STPG2: variants seen among roughly 807,000 people sequenced by gnomAD.
The protein encoded by STPG2 is sperm-tail PG-rich repeat-containing protein 2.
A neutral mutation model predicts 54.2 loss-of-function variants in STPG2; 56 were observed. The ratio of observed to expected loss-of-function variants is 1.03; its 90% CI spans 0.83 to 1.29. The LOEUF is 1.29. STPG2 is among the 50% of genes most tolerant of loss of function. The pLI is 0.00. For missense variants in STPG2, 596 were observed against 544.9 expected (o/e 1.09, Z -0.93); for synonymous variants, 200 against 181.8 (o/e 1.10, Z -0.81).
chr4:98,009,647 GAATGAT>G (rs111508954), intron 5 of STPG2, among the ~76,000 whole-genome samples: 59,361 of 151,238 alleles, frequency 0.39, 11,795 homozygotes, highest in Middle Eastern at 0.45. Flanking sequence ...ATTTCTGACT[GAATGAT>G]AATGATATAT....
rs1441197601 is a variant in STPG2, at chr4:97,559,044, G to T, written c.*14C>A. On this transcript the variant is annotated 3_prime_UTR_variant, in exon 11 of 11. Transcript: ENST00000295268. ...CCATGAAGTTGTTTTTTAAGTTTTT[G>T]CCATAAATTTATGTCACATTATATC... is the stretch of plus-strand genomic sequence containing the variant. 1.3e-6 allele frequency: 2 copies of T among 1,582,776 alleles called. No homozygotes were observed. Among genetic ancestry groups the T allele is most frequent in the Non-Finnish European group, 1.7e-6 (2 of 1,166,384 alleles).
At chr4:97,516,772 G>A (rs368682120) in intron 4 of STPG2, among the ~76,000 whole-genome samples, 1 of 151,852 alleles carries the variant, frequency 6.6e-6, no homozygotes, top group African/African-American at 2.4e-5. Flanking sequence ...AGGCTGCAGT[G>A]AGCCAAGATT....
intron 5 of STPG2, among the ~76,000 whole-genome samples, chr4:98,041,581 T>C (rs1423491058): frequency 6.6e-6 from 1 of 152,010 alleles, no homozygotes; most frequent in African/African-American, 2.4e-5. Flanking sequence ...CTGCATCTAT[T>C]GAGATGATCA....
intron 8 of STPG2, among the ~76,000 whole-genome samples, chr4:97,941,472 T>C (rs1255311539): frequency 6.6e-6 from 1 of 152,104 alleles, no homozygotes; most frequent in African/African-American, 2.4e-5. Context: ...CCTCCATTTG[T>C]CACATTTTCT....
intron 6 of STPG2, among the ~76,000 whole-genome samples, chr4:97,977,714 G>A (rs982185963): frequency 1.3e-5 from 2 of 152,134 alleles, no homozygotes; most frequent in Non-Finnish European, 2.9e-5. Flanking sequence ...AAGACTGAAG[G>A]GGAGAAGAGT....
At chr4:97,514,617 T>C (rs1731037969) in intron 4 of STPG2, among the ~76,000 whole-genome samples, 1 of 152,142 alleles carries the variant, frequency 6.6e-6, no homozygotes, top group Non-Finnish European at 1.5e-5. Context: ...TTTACATATA[T>C]CCTTATATTT....
chr4:98,074,161 T>C (rs556754734), intron 5 of STPG2, among the ~76,000 whole-genome samples: 8 of 152,232 alleles, frequency 5.3e-5, no homozygotes, highest in Non-Finnish European at 1.0e-4. Context: ...ATGTAATTCA[T>C]GATAAAGAAA....
In STPG2 at chr4:97,708,537, A is replaced by G. The variant is rs144428738; in HGVS notation, c.1320+4162T>C. ...CCAGTGATTCTAAGAATTTTTCCTT[A>G]AGAAATAATCAAAGGTAGGAACAAA... On this transcript the variant is annotated intron_variant, in intron 10 of 10. Transcript: ENST00000295268. 2.8e-3 allele frequency among the ~76,000 whole-genome samples: 425 copies of G among 151,998 alleles called. 3 individuals are homozygous for G. Among genetic ancestry groups the G allele is most frequent in the African/African-American group, 9.4e-3 (389 of 41,538 alleles).
chr4:97,481,027 T>G (rs1238297306), intron 4 of STPG2, among the ~76,000 whole-genome samples: 1 of 151,582 alleles, frequency 6.6e-6, no homozygotes, highest in Non-Finnish European at 1.5e-5. Context: ...TTTAGAGTTT[T>G]AGTACTTACA....
intron 4 of STPG2, among the ~76,000 whole-genome samples, chr4:97,536,356 T>A (rs1203057334): frequency 2.0e-5 from 3 of 152,096 alleles, no homozygotes; most frequent in African/African-American, 7.2e-5. Context: ...CCCTATGCTG[T>A]TCTCATTATA....
intron 8 of STPG2, among the ~76,000 whole-genome samples, chr4:97,931,385 T>C (rs1210401827): frequency 6.6e-6 from 1 of 152,236 alleles, no homozygotes; most frequent in East Asian, 1.9e-4. Context: ...TGAGAGTTTT[T>C]AACATGCAGG....
At chr4:97,848,881 C>T (rs530125707) in intron 8 of STPG2, among the ~76,000 whole-genome samples, 2 of 150,330 alleles carry the variant, frequency 1.3e-5, no homozygotes, top group Non-Finnish European at 3.0e-5. Context: ...GTACCAGTAC[C>T]ATGCTGTTTT....
chr4:98,009,982 G>C (rs1735694504), intron 5 of STPG2, among the ~76,000 whole-genome samples: 1 of 151,730 alleles, frequency 6.6e-6, no homozygotes, highest in African/African-American at 2.4e-5. Context: ...ATATTTATTT[G>C]AGTCTCCTAT....
At chr4:98,050,983 C>T (rs1232288080) in intron 5 of STPG2, among the ~76,000 whole-genome samples, 5 of 148,098 alleles carry the variant, frequency 3.4e-5, no homozygotes, top group Admixed American at 6.8e-5. Context: ...CCAGCCTGGG[C>T]GACACAGAGA....
At chr4:97,943,788 C>T in intron 8 of STPG2, 109 bp downstream of exon 8, 2 of 746,828 alleles carry the variant, frequency 2.7e-6, no homozygotes, top group Non-Finnish European at 4.2e-6. Context: ...AAGGAGGTTA[C>T]AGCACGCTAC....
intron 8 of STPG2, among the ~76,000 whole-genome samples, chr4:97,882,597 A>G (rs1404506478): frequency 2.0e-5 from 3 of 152,154 alleles, no homozygotes; most frequent in Admixed American, 2.0e-4. Flanking sequence ...TGCCCCTCAT[A>G]CCACTAGCAA....
At chr4:97,731,597 A>G (rs558788596) in intron 9 of STPG2, among the ~76,000 whole-genome samples, 1 of 152,130 alleles carries the variant, frequency 6.6e-6, no homozygotes, top group Non-Finnish European at 1.5e-5. Flanking sequence ...TTTTGTCCCA[A>G]GCCTTCTGTG....
At chr4:97,991,112 T>G (rs1042742418) in intron 5 of STPG2, among the ~76,000 whole-genome samples, 1 of 152,056 alleles carries the variant, frequency 6.6e-6, no homozygotes, top group African/African-American at 2.4e-5. Flanking sequence ...ATCATTCTTA[T>G]GCCTTTGAGT....
At chr4:97,903,413 A>C (rs1731256850) in intron 8 of STPG2, among the ~76,000 whole-genome samples, 1 of 152,128 alleles carries the variant, frequency 6.6e-6, no homozygotes, top group Non-Finnish European at 1.5e-5. Context: ...AAAAATGGCC[A>C]AAAATCAAGT....
Sources: gnomAD v4.1 joint callset for allele counts (sites outside exome capture counted in the v4.1 genomes callset) on GRCh38, gnomAD v4.1.1 for gene constraint, MANE v1.5 for transcripts, NCBI Gene and HGNC (gene_info 2026-07-23, HGNC 2026-07-21) for gene names.